CRTAP: variants seen among roughly 807,000 people sequenced by gnomAD.
CRTAP encodes the protein cartilage associated protein, also known as cartilage-associated protein.
A neutral mutation model predicts 42.7 loss-of-function variants in CRTAP; 33 were observed. That is an observed-to-expected ratio of 0.77 (90% CI 0.59 to 1.03). The LOEUF is 1.03. Ranked by LOEUF, CRTAP falls within the 50% of genes least tolerant of loss-of-function variation. CRTAP has a pLI of 0.00. For synonymous variants in CRTAP, 243 were observed against 217.7 expected (o/e 1.12, Z -1.02); for missense variants, 613 against 533.9 (o/e 1.15, Z -1.46).
chr3:33,125,471 A>C (rs2030030541), intron 3 of CRTAP, among the ~76,000 whole-genome samples: 2 of 108,770 alleles, frequency 1.8e-5, no homozygotes, highest in Non-Finnish European at 2.0e-5. Context: ...TTTATTCATT[A>C]ATCTCTTTCT....
intron 1 of CRTAP, among the ~76,000 whole-genome samples, chr3:33,118,707 G>A (rs1446126251): frequency 6.6e-6 from 1 of 152,230 alleles, no homozygotes; most frequent in African/African-American, 2.4e-5. Context: ...CACATGCACA[G>A]GTGCCTGCCC....
chr3:33,123,510 C>T (rs1315457873), intron 2 of CRTAP, among the ~76,000 whole-genome samples: 1 of 152,066 alleles, frequency 6.6e-6, no homozygotes, highest in Non-Finnish European at 1.5e-5. Flanking sequence ...TGCCTTCTGC[C>T]GTGATTGTAA....
chr3:33,138,983 A>G (rs1440876524), intron 6 of CRTAP, among the ~76,000 whole-genome samples: 3 of 152,200 alleles, frequency 2.0e-5, no homozygotes, highest in Admixed American at 6.5e-5. Flanking sequence ...CTTTACTAAA[A>G]ATACAAAAAA....
At chr3:33,134,637 A>T (rs2030369748) in intron 6 of CRTAP, among the ~76,000 whole-genome samples, 1 of 152,072 alleles carries the variant, frequency 6.6e-6, no homozygotes, top group South Asian at 2.1e-4. Context: ...TGCTATTATT[A>T]TTTTTTCTAA....
chr3:33,140,120 G>A lies in CRTAP; in HGVS notation c.1153-2275G>A, dbSNP rs912586016. Among the ~76,000 whole-genome samples the A allele has an allele frequency of 2.0e-5, 3 of 152,126 alleles. No individual in the cohort carries two copies. In the South Asian group the frequency reaches 6.2e-4, roughly 31 times the overall value. The stretch of plus-strand genomic sequence containing the variant: ...TGTACAAGAACAACATATATAGAAA[G>A]CAAATCATAGATACTAGAACACGAA... On this transcript the variant is annotated intron_variant, in intron 6 of 6. Transcript: ENST00000320954.
chr3:33,122,327 T>C (rs2029901291), intron 2 of CRTAP, among the ~76,000 whole-genome samples: 1 of 151,988 alleles, frequency 6.6e-6, no homozygotes, highest in Non-Finnish European at 1.5e-5. Flanking sequence ...TGGAGTTGGC[T>C]ACTTATTGAC....
chr3:33,141,382 C>T (rs114673783), intron 6 of CRTAP, among the ~76,000 whole-genome samples: 5 of 152,304 alleles, frequency 3.3e-5, no homozygotes, highest in Non-Finnish European at 7.3e-5. Flanking sequence ...GCTGTAGTGT[C>T]TACAGTTTGA....
chr3:33,140,177 T>C (rs1559437708), intron 6 of CRTAP, among the ~76,000 whole-genome samples: 9 of 152,204 alleles, frequency 5.9e-5, no homozygotes, highest in Non-Finnish European at 1.5e-5. Context: ...TAAAGCTCTC[T>C]CATGTCACAG....
intron 1 of CRTAP, among the ~76,000 whole-genome samples, chr3:33,115,054 C>T (rs890994672): frequency 2.0e-5 from 3 of 152,198 alleles, no homozygotes; most frequent in Admixed American, 6.5e-5. Context: ...AGGTGATCCT[C>T]CACCTCAGCC....
At position 33,124,543 on chromosome 3, in the gene CRTAP, A is replaced by G; in HGVS notation, c.757A>G (p.Ile253Val). 3 of 1,614,188 alleles carry G rather than the reference A, an allele frequency of 1.9e-6. No individual in the cohort carries two copies. The highest frequency in any genetic ancestry group is 2.5e-6 in the Non-Finnish European group (3 of 1,180,042). ...CGCAGCCTGCGAGGGTTCCAGGGAG[A>G]TCAAGGACTTCAAGGATTTCTACCT... ...CLAACEGSRE[I>V]KDFKDFYLSI... is the part of the protein sequence containing the mutation. The change falls in exon 3 of 7, where the codon ATC becomes GTC. Residue 253 changes from isoleucine (I) to valine (V), a missense_variant. Coordinates refer to ENST00000320954, the MANE Select transcript of CRTAP (RefSeq NM_006371.5).
rs759937520 is a variant in CRTAP at position 33,114,219 on chromosome 3, T to C, written c.142T>C (p.Tyr48His). 1 of 1,593,176 alleles carries C rather than the reference T, an allele frequency of 6.3e-7. No individual in the cohort carries two copies. Among genetic ancestry groups the C allele is most frequent in the Admixed American group, 1.7e-5 (1 of 59,192 alleles). ...CGAGCTGATGCCGCTCGAGTCGGCC[T>C]ACCGGCACGCGCTGGACAAGTACAG... is the stretch of plus-strand genomic sequence containing the variant. ...RDELMPLESA[Y>H]RHALDKYSGE... The change falls in exon 1 of 7, where the codon TAC becomes CAC. Residue 48 changes from tyrosine (Y) to histidine (H), a missense_variant. Physicochemically the swap from Tyr to His is moderately conservative, Grantham distance 83. Transcript: ENST00000320954.
At chr3:33,133,005 G>GGGA (rs1559436025) in intron 5 of CRTAP, among the ~76,000 whole-genome samples, 4 of 151,156 alleles carry the variant, frequency 2.6e-5, no homozygotes, top group African/African-American at 9.7e-5. Context: ...TTGAACCCAG[G>GGGA]GGCAGAGGTT....
chr3:33,143,839 C>G lies in CRTAP; in HGVS notation c.*1391C>G, dbSNP rs1206817790. ...TGCACTGCCCCAAAGTGAGAACTTG[C>G]TCTACGTGGTCAGGAAAGAGCAGGG... On this transcript the variant is annotated 3_prime_UTR_variant, in exon 7 of 7. Coordinates refer to ENST00000320954, the MANE Select transcript of CRTAP (RefSeq NM_006371.5). The G allele has an allele frequency of 6.6e-6, 1 of 152,150 alleles. No homozygotes were observed. The highest frequency in any genetic ancestry group is 1.9e-4 in the East Asian group (1 of 5,186). 9.4% of individuals were successfully genotyped at this position (152,150 alleles called of 1,614,324 possible).
In CRTAP at chr3:33,114,348, G is replaced by C. The variant is rs886058345; in HGVS notation, c.271G>C (p.Ala91Pro). ...CTTCTGCCACCGCAACTGCAGCGCCGCGCCGCAGCCCGAGCCCGCCGCCGG... is the reference window on the plus strand; with the variant it reads ...CTTCTGCCACCGCAACTGCAGCGCCCCGCCGCAGCCCGAGCCCGCCGCCGG... ...EAFCHRNCSA[A>P]PQPEPAAGLA... is the part of the protein sequence containing the mutation. The change falls in exon 1 of 7, where the codon GCG becomes CCG. Residue 91 changes from alanine to proline, a missense_variant. By Grantham distance (27) the Ala-to-Pro change is conservative. Transcript: ENST00000320954. The C allele has an allele frequency of 4.6e-6, 7 of 1,526,248 alleles. No individual in the cohort carries two copies. The highest frequency in any genetic ancestry group is 6.1e-6 in the Non-Finnish European group (7 of 1,143,396). The allele number at this position is 1,526,248 out of a possible 1,614,324, so 94.5% of individuals were successfully genotyped here.
chr3:33,140,691 A>G (rs1267902474), intron 6 of CRTAP, among the ~76,000 whole-genome samples: 1 of 152,234 alleles, frequency 6.6e-6, no homozygotes, highest in East Asian at 1.9e-4. Flanking sequence ...AACAGGCTGA[A>G]ACAGATGCTT....
chr3:33,120,993 T>C (rs2029870845), intron 2 of CRTAP, among the ~76,000 whole-genome samples: 2 of 152,140 alleles, frequency 1.3e-5, no homozygotes, highest in Admixed American at 1.3e-4. Context: ...TGATGAGAAT[T>C]AGTCGTAAGA....
intron 6 of CRTAP, among the ~76,000 whole-genome samples, chr3:33,135,815 C>T: frequency 6.6e-6 from 1 of 151,490 alleles, no homozygotes. Flanking sequence ...ATGACTTTTT[C>T]ACTTTATATT....
At chr3:33,141,575 AG>A (rs1467809043) in intron 6 of CRTAP, among the ~76,000 whole-genome samples, 2 of 152,334 alleles carry the variant, frequency 1.3e-5, no homozygotes, top group East Asian at 3.9e-4. Context: ...TGGTGAGCTC[AG>A]TGAAGGAGGT....
chr3:33,135,259 A>G (rs183178965), intron 6 of CRTAP, among the ~76,000 whole-genome samples: 6 of 152,346 alleles, frequency 3.9e-5, no homozygotes. Flanking sequence ...CCAAGATGCC[A>G]CAGGGGCCAT....
Sources: gnomAD v4.1 joint callset for allele counts (sites outside exome capture counted in the v4.1 genomes callset) on GRCh38, gnomAD v4.1.1 for gene constraint, MANE v1.5 for transcripts, NCBI Gene and HGNC (gene_info 2026-07-23, HGNC 2026-07-21) for gene names.